BTBD9: variants seen among roughly 807,000 people sequenced by gnomAD.
BTBD9 encodes the protein BTB/POZ domain-containing protein 9.
In BTBD9, 49 loss-of-function variants were observed where a neutral mutation model predicts 64.3. The observed-to-expected ratio is 0.76, with a 90% confidence interval of 0.61 to 0.97. The LOEUF is 0.97. BTBD9 is among the 50% of genes least tolerant of loss of function. The pLI, the probability that BTBD9 is intolerant of heterozygous loss-of-function variation, is 0.00. For missense variants in BTBD9, 598 were observed against 762.1 expected, an observed-to-expected ratio of 0.78 and a Z score of 2.53; for synonymous variants, 260 against 274.7, an observed-to-expected ratio of 0.95 and a Z score of 0.53.
At chr6:38,562,979 C>T (rs1036918729) in intron 6 of BTBD9, among the ~76,000 whole-genome samples, 7 of 152,140 alleles carry the variant, frequency 4.6e-5, no homozygotes, top group African/African-American at 1.7e-4. Context: ...CTGAGTGTTG[C>T]CAGGGCTGAT....
chr6:38,388,046 A>C lies in BTBD9; in HGVS notation c.1155-42953T>G, dbSNP rs1235965302. 2.0e-5 allele frequency among the ~76,000 whole-genome samples: 3 copies of C among 152,242 alleles called. No individual in the cohort carries two copies. In the East Asian group the frequency reaches 5.8e-4, roughly 29 times the overall value. On this transcript the variant is annotated intron_variant, in intron 6 of 10. Transcript: ENST00000481247. ...TCCCTGGGACTGTAGTCTAGAGTGA[A>C]ATGTAATCTCCAAGTGAAAAATAAA...
intron 10 of BTBD9, among the ~76,000 whole-genome samples, chr6:38,185,626 A>G (rs867246235): frequency 1.3e-5 from 2 of 152,202 alleles, no homozygotes; most frequent in Non-Finnish European, 1.5e-5. Context: ...TATAAGGCAC[A>G]GTTTTCCCAT....
At chr6:38,224,545 C>T (rs1363565416) in intron 9 of BTBD9, among the ~76,000 whole-genome samples, 1 of 152,076 alleles carries the variant, frequency 6.6e-6, no homozygotes, top group African/African-American at 2.4e-5. Context: ...GATTACCATC[C>T]AAAATACACA....
chr6:38,378,332 C>A (rs1034719665), intron 6 of BTBD9, among the ~76,000 whole-genome samples: 2 of 151,440 alleles, frequency 1.3e-5, no homozygotes, highest in Admixed American at 1.3e-4. Context: ...CAACCTCCAC[C>A]TCCTAGGTTT....
At chr6:38,636,481 T>C (rs1778530439) in intron 1 of BTBD9, among the ~76,000 whole-genome samples, 2 of 152,364 alleles carry the variant, frequency 1.3e-5, no homozygotes, top group African/African-American at 2.4e-5. Context: ...CTGTGATTTC[T>C]AACTTAATGT....
chr6:38,273,934 G>T (rs1765280916), intron 8 of BTBD9, among the ~76,000 whole-genome samples: 1 of 152,218 alleles, frequency 6.6e-6, no homozygotes, highest in Non-Finnish European at 1.5e-5. Context: ...CCCAGTGGGA[G>T]ACCAAAGACA....
intron 6 of BTBD9, among the ~76,000 whole-genome samples, chr6:38,559,758 C>A (rs1472399179): frequency 6.6e-6 from 1 of 152,006 alleles, no homozygotes; most frequent in African/African-American, 2.4e-5. Context: ...AAATTGAGAA[C>A]CCAGAAATAA....
chr6:38,534,991 T>C (rs1241165352), intron 6 of BTBD9, among the ~76,000 whole-genome samples: 2 of 152,138 alleles, frequency 1.3e-5, no homozygotes, highest in African/African-American at 2.4e-5. Context: ...ACCACTGTTA[T>C]TCAGTGTAGT....
chr6:38,429,370 G>A (rs1420963965), intron 6 of BTBD9, among the ~76,000 whole-genome samples: 1 of 149,652 alleles, frequency 6.7e-6, no homozygotes, highest in African/African-American at 2.5e-5. Flanking sequence ...CAGGAGAATC[G>A]CTTGAACCCA....
rs72853415 is a variant in BTBD9, at chr6:38,503,866, C to T, written c.1154+73734G>A. 9.0e-3 allele frequency among the ~76,000 whole-genome samples: 1,370 copies of T among 152,302 alleles called. 4 individuals carry two copies. Among genetic ancestry groups the T allele is most frequent in the Middle Eastern group, 0.054 (16 of 294 alleles). On this transcript the variant is annotated intron_variant, in intron 6 of 10. Coordinates refer to ENST00000481247, the MANE Select transcript of BTBD9 (RefSeq NM_001099272.2). ...TCCATGGGCAACTCCTTCAGTTGGTCAAGAAAAATCATAACTCTGCCAAAA... is the reference window on the plus strand; with the variant it reads ...TCCATGGGCAACTCCTTCAGTTGGTTAAGAAAAATCATAACTCTGCCAAAA...
rs869155666 is a variant in BTBD9 at position 38,171,846 on chromosome 6, C to CAAAAAA, written c.*3133_*3138dup. 64 of 79,108 alleles carry CAAAAAA rather than the reference C, an allele frequency of 8.1e-4. No individual in the cohort carries two copies. Among genetic ancestry groups the CAAAAAA allele is most frequent in the East Asian group, 1.7e-3 (2 of 1,174 alleles). 4.9% of individuals were successfully genotyped at this position (79,108 alleles called of 1,614,324 possible). A position where few individuals can be genotyped will look rare whatever the true frequency, so the allele number is the denominator to read the frequency against. On this transcript the variant is annotated 3_prime_UTR_variant, in exon 11 of 11. Transcript: ENST00000481247. ...TCCAATGAAGTTGCCTTTCTACTCTCAAAAAAAAAAAAAAAAAAAAAAAAA... is the reference window on the plus strand; with the variant it reads ...TCCAATGAAGTTGCCTTTCTACTCTCAAAAAAAAAAAAAAAAAAAAAAAAAAAAAAA...
intron 9 of BTBD9, among the ~76,000 whole-genome samples, chr6:38,233,261 T>A (rs935297781): frequency 1.3e-5 from 2 of 152,226 alleles, no homozygotes; most frequent in African/African-American, 4.8e-5. Context: ...CATTCACTAT[T>A]TTTTTAAAAA....
At chr6:38,542,938 A>G (rs949330293) in intron 6 of BTBD9, among the ~76,000 whole-genome samples, 1 of 152,252 alleles carries the variant, frequency 6.6e-6, no homozygotes, top group African/African-American at 2.4e-5. Flanking sequence ...CTCTAACTCC[A>G]TTAAAATGTG....
intron 7 of BTBD9, among the ~76,000 whole-genome samples, chr6:38,337,842 C>G (rs1371166643): frequency 5.9e-5 from 9 of 152,206 alleles, no homozygotes; most frequent in Non-Finnish European, 1.3e-4. Flanking sequence ...CCCAGACTCC[C>G]CTTACCAGCC....
chr6:38,251,342 G>A lies in BTBD9; in HGVS notation c.1562+5067C>T, dbSNP rs189158696. Among the ~76,000 whole-genome samples the A allele has an allele frequency of 2.3e-3, 346 of 149,646 alleles. 3 individuals carry two copies. The highest frequency in any genetic ancestry group is 8.2e-3 in the African/African-American group (335 of 40,682). ...TGCAGTGGCACAATCTTGGCTCACT[G>A]CAACCTCCGCCTCCCGGGTTCAAGC... On this transcript the variant is annotated intron_variant, in intron 9 of 10. Coordinates refer to ENST00000481247, the MANE Select transcript of BTBD9 (RefSeq NM_001099272.2).
At chr6:38,425,602 A>G (rs1308285820) in intron 6 of BTBD9, among the ~76,000 whole-genome samples, 3 of 151,716 alleles carry the variant, frequency 2.0e-5, no homozygotes, top group Non-Finnish European at 4.4e-5. Context: ...TTGCAATCAC[A>G]TATTATTTAA....
chr6:38,504,212 G>A (rs1195555748), intron 6 of BTBD9, among the ~76,000 whole-genome samples: 8 of 152,258 alleles, frequency 5.3e-5, no homozygotes, highest in South Asian at 2.1e-4. Context: ...ACTGCATACG[G>A]CTAGAGAAAA....
In BTBD9 at chr6:38,594,210, C is replaced by T. The variant is rs1345109522; in HGVS notation, c.303G>A (p.Thr101=). 15 of 1,614,070 alleles carry T rather than the reference C, an allele frequency of 9.3e-6. No individual in the cohort carries two copies. The highest frequency in any genetic ancestry group is 1.3e-5 in the Non-Finnish European group (15 of 1,180,034). ...GCACCTCCTCCTTCTCATCTGTCAG[C>T]GTTGCCCGCCCAGTGTAGATATATT... ...LLKYIYTGRA[T]LTDEKEEVLL... is the part of the protein sequence containing the mutation. Residue 101 remains threonine, a synonymous_variant, in exon 3 of 11, where the codon ACG becomes ACA. Transcript: ENST00000481247.
At chr6:38,519,108 T>TTC (rs769080584) in intron 6 of BTBD9, among the ~76,000 whole-genome samples, 12 of 152,188 alleles carry the variant, frequency 7.9e-5, no homozygotes, top group Admixed American at 1.3e-4. Context: ...ATATGTATAG[T>TTC]TCTATCACTT....
Sources: gnomAD v4.1 joint callset for allele counts (sites outside exome capture counted in the v4.1 genomes callset) on GRCh38, gnomAD v4.1.1 for gene constraint, MANE v1.5 for transcripts, NCBI Gene and HGNC (gene_info 2026-07-23, HGNC 2026-07-21) for gene names.